Variants in RCOR1 observed in about 807,000 individuals in gnomAD.
The protein encoded by RCOR1 is REST corepressor 1, also known as REST corepressor.
In RCOR1, 12 loss-of-function variants were observed where a neutral mutation model predicts 64.0. That is an observed-to-expected ratio of 0.19 (90% CI 0.12 to 0.30). The LOEUF (loss-of-function observed/expected upper bound fraction) is 0.30. RCOR1 is among the 10% of genes least tolerant of loss of function. The probability of loss-of-function intolerance (pLI) is 1.00; values close to 1 mark genes in which losing one functional copy is unlikely to be tolerated. For missense variants in RCOR1, 502 were observed against 621.2 expected (o/e 0.81, Z 2.04); for synonymous variants, 279 against 227.2 (o/e 1.23, Z -2.05).
intron 2 of RCOR1, among the ~76,000 whole-genome samples, chr14:102,653,947 CTT>C (rs1401608621): frequency 2.3e-5 from 1 of 43,336 alleles, no homozygotes; most frequent in Non-Finnish European, 4.1e-5. Context: ...TTCTTTCTTT[CTT>C]TCTTTCTTTC....
chr14:102,632,501 G>A (rs1233433721), intron 2 of RCOR1, among the ~76,000 whole-genome samples: 3 of 152,050 alleles, frequency 2.0e-5, no homozygotes, highest in East Asian at 3.9e-4. Context: ...CACCGCGCCC[G>A]GCCAGTTTGT....
At chr14:102,663,417 T>C (rs1047346846) in intron 2 of RCOR1, among the ~76,000 whole-genome samples, 4 of 152,248 alleles carry the variant, frequency 2.6e-5, no homozygotes, top group South Asian at 2.1e-4. Context: ...GAATTTCATA[T>C]TGTCTTTTTT....
At chr14:102,701,547 A>G (rs1895758856) in intron 4 of RCOR1, among the ~76,000 whole-genome samples, 1 of 152,176 alleles carries the variant, frequency 6.6e-6, no homozygotes, top group Admixed American at 6.5e-5. Context: ...TCATCTGCAG[A>G]TCTACAGCCT....
intron 2 of RCOR1, among the ~76,000 whole-genome samples, chr14:102,609,048 TTA>T: frequency 6.8e-6 from 1 of 147,192 alleles, no homozygotes; most frequent in African/African-American, 2.6e-5. Context: ...TTTTTTTTTT[TTA>T]AATTTTTATT....
chr14:102,718,708 C>G (rs1161181062), intron 8 of RCOR1, among the ~76,000 whole-genome samples: 1 of 152,108 alleles, frequency 6.6e-6, no homozygotes, highest in East Asian at 1.9e-4. Context: ...TTGCCACTCA[C>G]TTTCCAGTTA....
chr14:102,659,323 A>G (rs1815270123), intron 2 of RCOR1: 2 of 955,046 alleles, frequency 2.1e-6, no homozygotes, highest in African/African-American at 1.8e-5. Context: ...ATAGTGAGGT[A>G]CCAGAATCAT....
chr14:102,671,144 C>G (rs1895026207), intron 2 of RCOR1, among the ~76,000 whole-genome samples: 2 of 152,110 alleles, frequency 1.3e-5, no homozygotes, highest in Admixed American at 1.3e-4. Context: ...TTTTCGCTTC[C>G]CCTTCTGTGT....
At chr14:102,629,947 T>G in intron 2 of RCOR1, 1 of 950,198 alleles carries the variant, frequency 1.1e-6, no homozygotes, top group Non-Finnish European at 1.3e-6. Context: ...TGACTATTAT[T>G]ACATTATATG....
intron 2 of RCOR1, among the ~76,000 whole-genome samples, chr14:102,598,157 T>C (rs1595187587): frequency 6.6e-6 from 1 of 152,264 alleles, no homozygotes; most frequent in African/African-American, 2.4e-5. Context: ...GGTTTCACCA[T>C]GTTGGCCAGG....
At chr14:102,671,619 T>G (rs1895033462) in intron 2 of RCOR1, among the ~76,000 whole-genome samples, 2 of 152,172 alleles carry the variant, frequency 1.3e-5, no homozygotes. Context: ...GGCCTTGAAC[T>G]TCTGGCCTCA....
intron 4 of RCOR1, among the ~76,000 whole-genome samples, chr14:102,705,693 A>G (rs1232297510): frequency 6.6e-6 from 1 of 152,142 alleles, no homozygotes; most frequent in Non-Finnish European, 1.5e-5. Flanking sequence ...TTCTGAGCTC[A>G]AGTGATCCTC....
At chr14:102,688,227 A>T (rs879234083) in intron 3 of RCOR1, among the ~76,000 whole-genome samples, 1 of 152,144 alleles carries the variant, frequency 6.6e-6, no homozygotes, top group Admixed American at 6.5e-5. Context: ...TGGTCTCCCA[A>T]AGTGTTGGAA....
chr14:102,631,793 C>T (rs1595203143), intron 2 of RCOR1, among the ~76,000 whole-genome samples: 2 of 152,180 alleles, frequency 1.3e-5, no homozygotes, highest in South Asian at 4.1e-4. Context: ...CTTTACTTTT[C>T]TTTCTTTTTT....
rs1766375299 is a variant in RCOR1 at position 102,729,238 on chromosome 14, AG to A, written c.*2733del. On this transcript the variant is annotated 3_prime_UTR_variant, in exon 12 of 12. Transcript: ENST00000262241. ...TAAATTGTATTGCATATGCATTAAAAGTTTGTTTTATTTAATTTTATGTAGA... is the reference window on the plus strand; with the variant it reads ...TAAATTGTATTGCATATGCATTAAAATTTGTTTTATTTAATTTTATGTAGA... 6.5e-6 allele frequency: 1 copy of A among 152,702 alleles called. No homozygotes were observed. The highest frequency in any genetic ancestry group is 2.4e-5 in the African/African-American group (1 of 41,478). The allele number at this position is 152,702 out of a possible 1,614,324, so 9.5% of individuals were successfully genotyped here.
At position 102,592,961 on chromosome 14, in the gene RCOR1, C is replaced by T. The variant is rs1235444563; in HGVS notation, c.75C>T (p.Ala25=). ...GGAGGAACAACGCGGCCGCCTCCGC[C>T]TCCGCCGCCGCCGCCTCCGCCGCCG... The part of the protein sequence containing the change: ...RRGRNNAAAS[A]SAAAASAAAS... Residue 25 remains alanine (A), a synonymous_variant, in exon 1 of 12, where the codon GCC becomes GCT. Coordinates refer to ENST00000262241, the MANE Select transcript of RCOR1 (RefSeq NM_015156.4). 1 of 1,173,324 alleles carries T rather than the reference C, an allele frequency of 8.5e-7. No homozygotes were observed. The highest frequency in any genetic ancestry group is 1.1e-6 in the Non-Finnish European group (1 of 945,546). The allele number at this position is 1,173,324 out of a possible 1,614,324, so 72.7% of individuals were successfully genotyped here. A position where few individuals can be genotyped will look rare whatever the true frequency, so the allele number is the denominator to read the frequency against.
At chr14:102,608,066 A>AG (rs539965169) in intron 2 of RCOR1, among the ~76,000 whole-genome samples, 20 of 152,100 alleles carry the variant, frequency 1.3e-4, no homozygotes, top group South Asian at 4.1e-4. Flanking sequence ...AAAAAAAAAA[A>AG]CAACAAAATT....
intron 2 of RCOR1, among the ~76,000 whole-genome samples, chr14:102,677,190 C>A (rs1056322136): frequency 1.7e-5 from 2 of 120,542 alleles, no homozygotes; most frequent in African/African-American, 6.5e-5. Flanking sequence ...CCGGACGGGG[C>A]GGCTGGCCGG....
intron 7 of RCOR1, among the ~76,000 whole-genome samples, chr14:102,713,105 A>T (rs1372343476): frequency 6.8e-6 from 1 of 147,320 alleles, no homozygotes; most frequent in East Asian, 2.0e-4. Context: ...AGGGGCCCGC[A>T]ACCATGCCTG....
At chr14:102,649,087 AATTCC>A (rs1338843528) in intron 2 of RCOR1, among the ~76,000 whole-genome samples, 2 of 152,168 alleles carry the variant, frequency 1.3e-5, no homozygotes, top group African/African-American at 2.4e-5. Context: ...TAGAATTATT[AATTCC>A]AGGTAAAAAA....
Sources: allele counts gnomAD v4.1 joint callset (sites outside exome capture counted in the v4.1 genomes callset), GRCh38; gene constraint gnomAD v4.1.1; transcripts MANE v1.5; gene names NCBI Gene and HGNC (gene_info 2026-07-23, HGNC 2026-07-21).